Variants in STXBP6 observed in about 807,000 individuals in gnomAD.
STXBP6 encodes syntaxin binding protein 6, also known as syntaxin-binding protein 6.
STXBP6 carries 21 observed loss-of-function variants against 26.9 expected under a neutral mutation model. The ratio of observed to expected loss-of-function variants is 0.78; its 90% CI spans 0.55 to 1.12. The LOEUF (loss-of-function observed/expected upper bound fraction) is 1.12, where lower values mean the gene tolerates loss of function less well. Among genes scored for constraint, STXBP6 ranks in the 50% most tolerant of loss-of-function variants. The pLI is 0.00. For synonymous variants in STXBP6, 97 were observed against 92.6 expected (o/e 1.05, Z -0.27); for missense variants, 232 against 257.9 (o/e 0.90, Z 0.69).
intron 2 of STXBP6, among the ~76,000 whole-genome samples, chr14:24,906,186 C>G (rs2071379855): frequency 6.6e-6 from 1 of 152,058 alleles, no homozygotes; most frequent in African/African-American, 2.4e-5. Context: ...TATTTTTTCT[C>G]AATCCAAGCC....
intron 2 of STXBP6, among the ~76,000 whole-genome samples, chr14:24,919,805 G>C (rs1356993736): frequency 5.9e-5 from 9 of 151,924 alleles, no homozygotes. Context: ...AGGATGGTGT[G>C]GGTGCATGAC....
At chr14:24,857,306 G>T in intron 2 of STXBP6, 149 bp from the exon 3 acceptor site, 2 of 1,026,600 alleles carry the variant, frequency 1.9e-6, no homozygotes, top group Non-Finnish European at 2.8e-6. Context: ...GAATAAATAT[G>T]TGTGCCTTTG....
chr14:25,043,815 G>A (rs1028150592), intron 1 of STXBP6, among the ~76,000 whole-genome samples: 1 of 152,176 alleles, frequency 6.6e-6, no homozygotes, highest in Non-Finnish European at 1.5e-5. Flanking sequence ...TTGCATGGAT[G>A]TACCACATTT....
chr14:24,931,348 C>T (rs564799660), intron 2 of STXBP6, among the ~76,000 whole-genome samples: 1 of 151,682 alleles, frequency 6.6e-6, no homozygotes, highest in East Asian at 1.9e-4. Context: ...AACAAACCTG[C>T]AGATTGTGCA....
chr14:24,873,868 C>T (rs900477525), intron 2 of STXBP6, among the ~76,000 whole-genome samples: 1 of 152,168 alleles, frequency 6.6e-6, no homozygotes, highest in Non-Finnish European at 1.5e-5. Flanking sequence ...CTGTGTCTGC[C>T]TGAACTCCTG....
At chr14:24,874,236 G>C (rs1029994367) in intron 2 of STXBP6, among the ~76,000 whole-genome samples, 2 of 152,128 alleles carry the variant, frequency 1.3e-5, no homozygotes, top group Non-Finnish European at 2.9e-5. Flanking sequence ...GGGTGTTGTG[G>C]GGAGGGCATC....
chr14:24,883,793 C>T (rs1410242362), intron 2 of STXBP6, among the ~76,000 whole-genome samples: 1 of 152,122 alleles, frequency 6.6e-6, no homozygotes, highest in Non-Finnish European at 1.5e-5. Flanking sequence ...AGTGTTTAAT[C>T]CCCCTGGGAT....
intron 2 of STXBP6, among the ~76,000 whole-genome samples, chr14:24,971,864 G>T (rs2140183949): frequency 6.6e-6 from 1 of 152,188 alleles, no homozygotes; most frequent in African/African-American, 2.4e-5. Context: ...ACCAAATTAG[G>T]TAAGATGCAT....
intron 2 of STXBP6, among the ~76,000 whole-genome samples, chr14:24,943,517 C>T (rs2072876452): frequency 6.6e-6 from 1 of 152,194 alleles, no homozygotes; most frequent in South Asian, 2.1e-4. Context: ...TAAATTTTCA[C>T]ATTTTTCAGT....
intron 2 of STXBP6, among the ~76,000 whole-genome samples, chr14:24,887,179 C>T (rs1440502802): frequency 5.9e-5 from 9 of 152,168 alleles, no homozygotes; most frequent in Admixed American, 5.9e-4. Context: ...CATTTCTCTA[C>T]ACTTTGGTGC....
At chr14:24,966,719 T>C (rs2073745848) in intron 2 of STXBP6, among the ~76,000 whole-genome samples, 1 of 152,250 alleles carries the variant, frequency 6.6e-6, no homozygotes, top group African/African-American at 2.4e-5. Context: ...ATCTATTTTT[T>C]CTACTACACA....
chr14:24,814,223 T>C lies in STXBP6; in HGVS notation c.610-1491A>G, dbSNP rs936082950. Among the ~76,000 whole-genome samples, 8 of 152,308 alleles carry C rather than the reference T, an allele frequency of 5.3e-5. 2 individuals carry two copies. The highest frequency in any genetic ancestry group is 3.9e-4 in the Admixed American group (6 of 15,302). ...CAAGGAGTTTATAGTCCAGGAAACA[T>C]ATAGTCCAGGTTGGTGCAAATGGCA... On this transcript the variant is annotated intron_variant, in intron 5 of 5. Transcript: ENST00000323944.
chr14:25,043,474 A>G (rs2075674812), intron 1 of STXBP6, among the ~76,000 whole-genome samples: 1 of 152,172 alleles, frequency 6.6e-6, no homozygotes, highest in South Asian at 2.1e-4. Flanking sequence ...ATACCATAAA[A>G]TTCACTCTTT....
chr14:24,946,894 C>T (rs1386190782), intron 2 of STXBP6, among the ~76,000 whole-genome samples: 1 of 152,010 alleles, frequency 6.6e-6, no homozygotes, highest in Non-Finnish European at 1.5e-5. Context: ...AGGGGCTAGC[C>T]TTTGTAAAGA....
At chr14:24,847,003 C>G (rs1453972640) in intron 4 of STXBP6, among the ~76,000 whole-genome samples, 1 of 152,054 alleles carries the variant, frequency 6.6e-6, no homozygotes, top group Non-Finnish European at 1.5e-5. Flanking sequence ...ACCTCTATTC[C>G]AGGTATGGAA....
chr14:25,036,774 T>G (rs1368995266), intron 1 of STXBP6, among the ~76,000 whole-genome samples: 1 of 145,282 alleles, frequency 6.9e-6, no homozygotes, highest in African/African-American at 2.6e-5. Context: ...GAGAATGGCG[T>G]GAACCCAGGA....
chr14:24,938,615 C>T (rs550750340), intron 2 of STXBP6, among the ~76,000 whole-genome samples: 2 of 149,606 alleles, frequency 1.3e-5, no homozygotes, highest in South Asian at 2.1e-4. Flanking sequence ...AAAAGGCCCA[C>T]AAAACAAAGT....
intron 2 of STXBP6, among the ~76,000 whole-genome samples, chr14:24,889,914 C>T (rs1241632): frequency 0.37 from 55,595 of 152,076 alleles, 10,383 homozygotes; most frequent in East Asian, 0.43. Context: ...CAGTACAACT[C>T]CCCAACTGTA....
chr14:24,824,559 T>C (rs931301353), intron 4 of STXBP6, among the ~76,000 whole-genome samples: 7 of 152,224 alleles, frequency 4.6e-5, no homozygotes, highest in African/African-American at 1.7e-4. Context: ...CTATATTACA[T>C]TGATTAATCA....
Sources: allele counts gnomAD v4.1 joint callset (sites outside exome capture counted in the v4.1 genomes callset), GRCh38; gene constraint gnomAD v4.1.1; transcripts MANE v1.5; gene names NCBI Gene and HGNC (gene_info 2026-07-23, HGNC 2026-07-21).